The following NFATC3 variants were observed in gnomAD, a reference collection of about 807,000 sequenced individuals.
NFATC3 encodes the protein nuclear factor of activated T-cells, cytoplasmic 3.
In NFATC3, 46 loss-of-function variants were observed where a neutral mutation model predicts 98.6. That is an observed-to-expected ratio of 0.47 (90% CI 0.37 to 0.60). NFATC3 has a LOEUF of 0.60. NFATC3 is among the 20% of genes least tolerant of loss of function. NFATC3 has a pLI of 0.00. For synonymous variants in NFATC3, 512 were observed against 472.2 expected (o/e 1.08, Z -1.09); for missense variants, 1,256 against 1,295.5 (o/e 0.97, Z 0.47).
At chr16:68,089,716 GTT>G (rs1219126162) in intron 1 of NFATC3, among the ~76,000 whole-genome samples, 1 of 152,028 alleles carries the variant, frequency 6.6e-6, no homozygotes, top group Non-Finnish European at 1.5e-5. Context: ...CATTAACATT[GTT>G]TGCCATTATA....
intron 4 of NFATC3, among the ~76,000 whole-genome samples, chr16:68,161,371 A>G (rs2038885408): frequency 6.6e-6 from 1 of 152,230 alleles, no homozygotes; most frequent in African/African-American, 2.4e-5. Context: ...CAAGTTAAAT[A>G]GAAAAATCAC....
chr16:68,195,681 G>GCGGTCA (rs1309284219), intron 9 of NFATC3, among the ~76,000 whole-genome samples: 5 of 151,936 alleles, frequency 3.3e-5, no homozygotes, highest in Admixed American at 3.3e-4. Context: ...GGTGGTGGTC[G>GCGGTCA]CCTGTAGTCC....
rs1347219234 is a variant in NFATC3, at chr16:68,122,219, A to G, written c.336A>G (p.Gln112=). ...AACCCTTTGAGTGCCCAAGTATTCA[A>G]ATTACATCTATCTCTCCTAACTGTC... ...GPKPFECPSI[Q]ITSISPNCHQ... Residue 112 remains glutamine (Q), a synonymous_variant, in exon 2 of 10, where the codon CAA becomes CAG. Transcript: ENST00000346183. 6.2e-7 allele frequency: 1 copy of G among 1,614,174 alleles called. No individual in the cohort carries two copies. Among genetic ancestry groups the G allele is most frequent in the Non-Finnish European group, 8.5e-7 (1 of 1,180,034 alleles).
At chr16:68,172,077 C>T (rs536740006) in intron 5 of NFATC3, among the ~76,000 whole-genome samples, 30 of 152,152 alleles carry the variant, frequency 2.0e-4, no homozygotes, top group Admixed American at 1.0e-3. Context: ...TCGTTATCCG[C>T]CCACCTCAGC....
intron 9 of NFATC3, among the ~76,000 whole-genome samples, chr16:68,198,918 C>T (rs1315904592): frequency 6.6e-6 from 1 of 151,972 alleles, no homozygotes; most frequent in Non-Finnish European, 1.5e-5. Flanking sequence ...CATGGTGGTG[C>T]GTGCCTGTAG....
At chr16:68,172,598 T>TA (rs987333525) in intron 5 of NFATC3, among the ~76,000 whole-genome samples, 1 of 151,504 alleles carries the variant, frequency 6.6e-6, no homozygotes, top group African/African-American at 2.4e-5. Flanking sequence ...GTGGGTAACA[T>TA]AATAAGACCC....
chr16:68,163,094 T>C (rs1454956209), intron 4 of NFATC3, among the ~76,000 whole-genome samples: 1 of 152,216 alleles, frequency 6.6e-6, no homozygotes, highest in Admixed American at 6.5e-5. Context: ...AATGAGAATT[T>C]TTCTTAGTAC....
chr16:68,166,851 G>T lies in NFATC3; in HGVS notation c.1610G>T (p.Cys537Phe), dbSNP rs754603838. ...TGTATTTTTCTCTTTAGTATTGATT[G>T]TGCAGGTATTTTGAAACTCCGCAAT... ...PENNMSASID[C>F]AGILKLRNSD... Residue 537 changes from cysteine (C) to phenylalanine (F), a missense_variant, in exon 5 of 10, where the codon TGT becomes TTT. Around this residue, in one of 3 missense-constraint regions of NFATC3, gnomAD observed 156 missense variants for 212.4 expected, o/e 0.73. Transcript: ENST00000346183. 1 of 1,612,278 alleles carries T rather than the reference G, an allele frequency of 6.2e-7. No individual in the cohort carries two copies. The highest frequency in any genetic ancestry group is 1.1e-5 in the South Asian group (1 of 90,902).
intron 3 of NFATC3, chr16:68,138,513 A>T (rs12596883): frequency 0.12 from 151,104 of 1,278,186 alleles, 9,646 homozygotes; most frequent in South Asian, 0.19. Flanking sequence ...TTGCTCAGGA[A>T]TCCAAGATAC....
chr16:68,160,777 C>T lies in NFATC3; in HGVS notation c.1601+2709C>T, dbSNP rs572330165. On this transcript the variant is annotated intron_variant, in intron 4 of 9. Transcript: ENST00000346183. ...TTAGCTCACTACAACCTCTGCCTCC[C>T]AGGCTCAAGTGATTCTCGTGCTTCA... 4.6e-5 allele frequency among the ~76,000 whole-genome samples: 7 copies of T among 152,170 alleles called. No individual in the cohort carries two copies. The East Asian group carries it at 1.4e-3, about 29-fold the overall frequency.
intron 1 of NFATC3, among the ~76,000 whole-genome samples, chr16:68,114,337 C>T (rs868854654): frequency 3.3e-5 from 5 of 152,066 alleles, no homozygotes; most frequent in Middle Eastern, 6.8e-3. Context: ...GCCGTTTTTG[C>T]TCCTCTTAGT....
rs1228585022 is a variant in NFATC3 at position 68,200,379 on chromosome 16, T to A, written c.3106+8604T>A. The A allele has an allele frequency of 2.6e-5, 4 of 151,854 alleles. No individual in the cohort carries two copies. The East Asian group carries it at 7.7e-4, about 29-fold the overall frequency. The allele number at this position is 151,854 out of a possible 1,614,324, so 9.4% of individuals were successfully genotyped here. Reference sequence around the variant, plus strand: ...TTTAGTGAGTCATAATTATGCAAAGTTGTGTCCTTTCCCTACATAGGTTTA... The same window carrying A: ...TTTAGTGAGTCATAATTATGCAAAGATGTGTCCTTTCCCTACATAGGTTTA... On this transcript the variant is annotated intron_variant, in intron 9 of 9. Coordinates refer to ENST00000346183, the MANE Select transcript of NFATC3 (RefSeq NM_173165.3).
At chr16:68,091,544 G>A (rs557274300) in intron 1 of NFATC3, among the ~76,000 whole-genome samples, 1 of 152,316 alleles carries the variant, frequency 6.6e-6, no homozygotes. Flanking sequence ...TTTAAGAGAA[G>A]TTAATGAGTT....
chr16:68,163,559 C>G (rs1255236219), intron 4 of NFATC3, among the ~76,000 whole-genome samples: 6 of 152,024 alleles, frequency 3.9e-5, no homozygotes, highest in Admixed American at 3.3e-4. Context: ...CCACCTCCCT[C>G]CTGGACGGGG....
chr16:68,221,966 A>G (rs899300709), intron 9 of NFATC3, among the ~76,000 whole-genome samples: 1 of 152,122 alleles, frequency 6.6e-6, no homozygotes, highest in Non-Finnish European at 1.5e-5. Context: ...TCAGGAAAAT[A>G]GAAGCATTGA....
chr16:68,134,903 T>A (rs1391093735), intron 3 of NFATC3, among the ~76,000 whole-genome samples: 1 of 152,210 alleles, frequency 6.6e-6, no homozygotes, highest in Non-Finnish European at 1.5e-5. Context: ...CACTTGCATG[T>A]TTTCTGTAAT....
chr16:68,195,301 G>C (rs1368523599), intron 9 of NFATC3, among the ~76,000 whole-genome samples: 2 of 152,084 alleles, frequency 1.3e-5, no homozygotes, highest in African/African-American at 4.8e-5. Flanking sequence ...GCCCCCCAGA[G>C]ACTAGCTATC....
chr16:68,192,230 A>AAATAT (rs1555522047), intron 9 of NFATC3: 1,481 of 82,560 alleles, frequency 0.018, 191 homozygotes, highest in Middle Eastern at 0.034. Flanking sequence ...AAAAAAAAAA[A>AAATAT]ATATATATAT....
chr16:68,126,718 A>G, intron 3 of NFATC3, 108 bp downstream of exon 3: 2 of 1,071,252 alleles, frequency 1.9e-6, no homozygotes, highest in Non-Finnish European at 2.7e-6. Flanking sequence ...ACTCAAAACT[A>G]GAGAGCCTCT....
Sources: allele counts gnomAD v4.1 joint callset (sites outside exome capture counted in the v4.1 genomes callset), GRCh38; gene constraint gnomAD v4.1.1; regional missense constraint gnomAD v4.1.1; transcripts MANE v1.5; gene names NCBI Gene and HGNC (gene_info 2026-07-23, HGNC 2026-07-21).